The following TSNARE1 variants were observed in gnomAD, a reference collection of about 807,000 sequenced individuals.
TSNARE1 encodes the protein t-SNARE domain-containing protein 1.
In TSNARE1, 49 loss-of-function variants were observed where a neutral mutation model predicts 62.0. That is an observed-to-expected ratio of 0.79 (90% CI 0.63 to 1.00). TSNARE1 has a LOEUF of 1.00. Among genes scored for constraint, TSNARE1 ranks in the 50% least tolerant of loss-of-function variants. The probability of loss-of-function intolerance (pLI) is 0.00; values close to 1 mark genes in which losing one functional copy is unlikely to be tolerated. For synonymous variants in TSNARE1, 328 were observed against 294.4 expected (o/e 1.11, Z -1.17); for missense variants, 755 against 700.1 (o/e 1.08, Z -0.88).
intron 11 of TSNARE1, 70 bp downstream of exon 11, chr8:142,284,343 G>T: frequency 7.8e-7 from 1 of 1,287,830 alleles, no homozygotes; most frequent in Non-Finnish European, 1.1e-6. Context: ...TAGGTGAAGG[G>T]GTGAGGGCTG....
At chr8:142,276,716 T>G in intron 11 of TSNARE1, 3 of 985,374 alleles carry the variant, frequency 3.0e-6, no homozygotes, top group Non-Finnish European at 3.6e-6. Flanking sequence ...GCCCTGGCCC[T>G]GGGGACTCTG....
chr8:142,308,553 C>T (rs982099016), intron 9 of TSNARE1, among the ~76,000 whole-genome samples: 1 of 152,164 alleles, frequency 6.6e-6, no homozygotes, highest in African/African-American at 2.4e-5. Context: ...CTGTCCCATG[C>T]GTTGGTGTGT....
At chr8:142,323,983 C>T (rs898139313) in intron 6 of TSNARE1, among the ~76,000 whole-genome samples, 4 of 152,124 alleles carry the variant, frequency 2.6e-5, no homozygotes, top group African/African-American at 4.8e-5. Context: ...AACCTGTGAC[C>T]CTCACCCGCC....
At chr8:142,323,688 G>T (rs907685847) in intron 6 of TSNARE1, among the ~76,000 whole-genome samples, 1 of 152,206 alleles carries the variant, frequency 6.6e-6, no homozygotes, top group Non-Finnish European at 1.5e-5. Context: ...AAGGACACGG[G>T]AGCTCACACT....
intron 1 of TSNARE1, among the ~76,000 whole-genome samples, chr8:142,355,001 G>C (rs1027704634): frequency 6.6e-6 from 1 of 151,782 alleles, no homozygotes; most frequent in Admixed American, 6.6e-5. Context: ...AACACAGCCT[G>C]AGGAAGGTGT....
At chr8:142,306,202 C>T (rs1432259803) in intron 9 of TSNARE1, among the ~76,000 whole-genome samples, 1 of 152,196 alleles carries the variant, frequency 6.6e-6, no homozygotes, top group Non-Finnish European at 1.5e-5. Flanking sequence ...CAATGCTTCC[C>T]CCAGCCCCAC....
intron 10 of TSNARE1, among the ~76,000 whole-genome samples, chr8:142,285,280 G>C (rs1822512212): frequency 6.6e-6 from 1 of 150,750 alleles, no homozygotes; most frequent in Non-Finnish European, 1.5e-5. Context: ...GGATGGGTAG[G>C]TGGATGGATG....
At chr8:142,378,803 G>A (rs770304705) in intron 1 of TSNARE1, among the ~76,000 whole-genome samples, 8 of 152,210 alleles carry the variant, frequency 5.3e-5, no homozygotes, top group Non-Finnish European at 7.3e-5. Context: ...GCGCACGGGC[G>A]TGTTAGGTGC....
intron 10 of TSNARE1, among the ~76,000 whole-genome samples, chr8:142,299,328 C>A (rs983523561): frequency 1.3e-5 from 2 of 152,238 alleles, no homozygotes; most frequent in South Asian, 2.1e-4. Context: ...CAGGTACTAA[C>A]CCAGTGACTT....
chr8:142,272,175 C>G (rs537757231), intron 12 of TSNARE1, among the ~76,000 whole-genome samples: 1 of 151,710 alleles, frequency 6.6e-6, no homozygotes, highest in Non-Finnish European at 1.5e-5. Flanking sequence ...GTCTACTCAC[C>G]CATTTATCCA....
chr8:142,278,584 C>T (rs1229153871), intron 11 of TSNARE1: 4 of 985,262 alleles, frequency 4.1e-6, no homozygotes, highest in African/African-American at 3.5e-5. Flanking sequence ...TGGGAGGAGG[C>T]ACGGAGGCGG....
chr8:142,220,974 C>T (rs1816184108), intron 13 of TSNARE1, among the ~76,000 whole-genome samples: 1 of 152,220 alleles, frequency 6.6e-6, no homozygotes, highest in Non-Finnish European at 1.5e-5. Context: ...CAATAAATGG[C>T]AGCTATGAAT....
chr8:142,355,072 A>G (rs1159130859), intron 1 of TSNARE1, among the ~76,000 whole-genome samples: 1 of 152,038 alleles, frequency 6.6e-6, no homozygotes, highest in Non-Finnish European at 1.5e-5. Context: ...GCTCTTAAAG[A>G]CCAACCCCCA....
At chr8:142,229,698 A>T in intron 12 of TSNARE1, 119 bp from the exon 13 acceptor site, 3 of 782,662 alleles carry the variant, frequency 3.8e-6, no homozygotes, top group South Asian at 3.1e-5. Flanking sequence ...ACCCTGGGGC[A>T]GGGTCCAGAG....
upstream of TSNARE1, chr8:142,403,303 G>C (rs1248380511): frequency 6.6e-6 from 1 of 151,948 alleles, no homozygotes; most frequent in African/African-American, 2.4e-5. Context: ...GAAGCGGCGC[G>C]GACGGCGGTC....
At chr8:142,259,771 C>T (rs114984907) in intron 12 of TSNARE1, among the ~76,000 whole-genome samples, 2,554 of 152,294 alleles carry the variant, frequency 0.017, 82 homozygotes, top group African/African-American at 0.058. Flanking sequence ...AACGTGGCTG[C>T]TCCCAGCTCT....
intron 1 of TSNARE1, among the ~76,000 whole-genome samples, chr8:142,371,901 T>C (rs1031272653): frequency 2.6e-5 from 4 of 152,218 alleles, no homozygotes; most frequent in Non-Finnish European, 4.4e-5. Flanking sequence ...GAGTTGTCTA[T>C]GGGCTGCTTT....
chr8:142,300,341 G>T, intron 10 of TSNARE1, 145 bp downstream of exon 10: 1 of 917,148 alleles, frequency 1.1e-6, no homozygotes, highest in Non-Finnish European at 1.6e-6. Flanking sequence ...GAGGTGGTTA[G>T]AATGGGCAAG....
rs563602241 is a variant in TSNARE1, at chr8:142,360,710, AG to A, written c.-39-5948del. ...GGGCGCCGGGGGAAGCGGCGGTGCC[AG>A]GGAACACCCACCTCAGGCGTGCCAC... On this transcript the variant is annotated intron_variant, in intron 1 of 13. Transcript: ENST00000524325. 5.6e-3 allele frequency among the ~76,000 whole-genome samples: 859 copies of A among 152,122 alleles called. 13 individuals carry two copies. Among genetic ancestry groups the A allele is most frequent in the African/African-American group, 0.02 (819 of 41,530 alleles).
Sources: gnomAD v4.1 joint callset for allele counts (sites outside exome capture counted in the v4.1 genomes callset) on GRCh38, gnomAD v4.1.1 for gene constraint, MANE v1.5 for transcripts, NCBI Gene and HGNC (gene_info 2026-07-23, HGNC 2026-07-21) for gene names.